THSD7A: variants seen among roughly 807,000 people sequenced by gnomAD.
THSD7A encodes thrombospondin type 1 domain containing 7A.
THSD7A carries 96 observed loss-of-function variants against 231.3 expected under a neutral mutation model. The observed-to-expected ratio is 0.41, with a 90% confidence interval of 0.35 to 0.49. The LOEUF (loss-of-function observed/expected upper bound fraction) is 0.49, where lower values mean the gene tolerates loss of function less well. Among genes scored for constraint, THSD7A ranks in the 20% least tolerant of loss-of-function variants. The pLI, the probability that THSD7A is intolerant of heterozygous loss-of-function variation, is 0.05. For synonymous variants in THSD7A, 940 were observed against 743.3 expected (o/e 1.26, Z -4.30); for missense variants, 2,290 against 2,070.2 (o/e 1.11, Z -2.06).
At chr7:11,793,981 AAATG>A (rs1489879172) in intron 1 of THSD7A, among the ~76,000 whole-genome samples, 1 of 151,920 alleles carries the variant, frequency 6.6e-6, no homozygotes, top group Non-Finnish European at 1.5e-5. Flanking sequence ...ACTAGGGAAA[AAATG>A]AATTTTAGAT....
At chr7:11,443,912 C>G (rs944478457) in intron 13 of THSD7A, among the ~76,000 whole-genome samples, 1 of 151,916 alleles carries the variant, frequency 6.6e-6, no homozygotes, top group Non-Finnish European at 1.5e-5. Context: ...AACAAAAGGA[C>G]AAGAGTTTTA....
chr7:11,496,817 A>G (rs1325487137), intron 6 of THSD7A, among the ~76,000 whole-genome samples: 1 of 152,200 alleles, frequency 6.6e-6, no homozygotes, highest in Non-Finnish European at 1.5e-5. Context: ...ACAAATGAAA[A>G]CATTTAGCCA....
At position 11,417,499 on chromosome 7, in the gene THSD7A, G is replaced by C. The variant is rs1272372059; in HGVS notation, c.3488C>G (p.Pro1163Arg). 1 of 1,613,632 alleles carries C rather than the reference G, an allele frequency of 6.2e-7. No homozygotes were observed. Among genetic ancestry groups the C allele is most frequent in the Admixed American group, 1.7e-5 (1 of 59,970 alleles). ...LGSRVCKLPC[P>R]EDCVISEWGP... ...CCATTCAGATATCACACAGTCCTCA[G>C]GGCATGGTAATTTGCACACTCTAGA... The change falls in exon 17 of 28, where the codon CCT becomes CGT. Residue 1163 changes from proline to arginine, a missense_variant. By Grantham distance (103) the Pro-to-Arg change is moderately radical. Transcript: ENST00000423059.
At chr7:11,677,533 C>G (rs185207766) in intron 1 of THSD7A, among the ~76,000 whole-genome samples, 76 of 121,344 alleles carry the variant, frequency 6.3e-4, no homozygotes, top group African/African-American at 2.2e-3. Flanking sequence ...CAAAGACACA[C>G]ATAGGCTCAA....
At position 11,727,043 on chromosome 7, in the gene THSD7A, T is replaced by C. The variant is rs566320819; in HGVS notation, c.191-90082A>G. Among the ~76,000 whole-genome samples, 7 of 152,090 alleles carry C rather than the reference T, an allele frequency of 4.6e-5. No homozygotes were observed. The East Asian group carries it at 1.4e-3, about 30-fold the overall frequency. ...AGTTCCCAGGCTCACTTCACAGGCA[T>C]CCAAATTACTTTTGCATTTAATCTT... On this transcript the variant is annotated intron_variant, in intron 1 of 27. Coordinates refer to ENST00000423059, the MANE Select transcript of THSD7A (RefSeq NM_015204.3).
At chr7:11,731,588 T>A (rs750418388) in intron 1 of THSD7A, among the ~76,000 whole-genome samples, 2 of 151,654 alleles carry the variant, frequency 1.3e-5, no homozygotes, top group Non-Finnish European at 1.5e-5. Flanking sequence ...TACTGTTTTA[T>A]CCTGCAGTGT....
intron 1 of THSD7A, among the ~76,000 whole-genome samples, chr7:11,796,975 T>C (rs1001151804): frequency 3.9e-5 from 6 of 152,134 alleles, no homozygotes; most frequent in African/African-American, 1.4e-4. Flanking sequence ...GTAATTTTTT[T>C]TCATTTCTGA....
At chr7:11,519,407 C>A (rs1166128634) in intron 6 of THSD7A, among the ~76,000 whole-genome samples, 2 of 152,132 alleles carry the variant, frequency 1.3e-5, no homozygotes, top group African/African-American at 4.8e-5. Flanking sequence ...AATGCACTTA[C>A]ACACACATTT....
chr7:11,600,597 T>C (rs1293992390), intron 2 of THSD7A, among the ~76,000 whole-genome samples: 1 of 152,132 alleles, frequency 6.6e-6, no homozygotes, highest in African/African-American at 2.4e-5. Flanking sequence ...CTTGTGTTGA[T>C]TTGTAGTTTA....
intron 6 of THSD7A, among the ~76,000 whole-genome samples, chr7:11,514,617 A>G (rs1315452710): frequency 6.6e-6 from 1 of 152,166 alleles, no homozygotes; most frequent in Non-Finnish European, 1.5e-5. Context: ...AACATTTTAA[A>G]TAAGTGTTTT....
At chr7:11,496,869 A>C (rs890489284) in intron 6 of THSD7A, among the ~76,000 whole-genome samples, 2 of 152,242 alleles carry the variant, frequency 1.3e-5, no homozygotes, top group Admixed American at 6.5e-5. Flanking sequence ...GAATCTAGGT[A>C]AATAAAGACA....
At chr7:11,595,076 T>C (rs1337740085) in intron 2 of THSD7A, among the ~76,000 whole-genome samples, 1 of 152,204 alleles carries the variant, frequency 6.6e-6, no homozygotes, top group Admixed American at 6.5e-5. Flanking sequence ...TCCACCTTTG[T>C]CTGAGGAGAT....
At position 11,497,441 on chromosome 7, in the gene THSD7A, T is replaced by C. The variant is rs187797987; in HGVS notation, c.1823-15459A>G. On this transcript the variant is annotated intron_variant, in intron 6 of 27. Transcript: ENST00000423059. ...ATGGTATTGATAAAAATGTACCTCATTGCATTTCTTTAGGGGACATTAGGA... is the reference window on the plus strand; with the variant it reads ...ATGGTATTGATAAAAATGTACCTCACTGCATTTCTTTAGGGGACATTAGGA... 2.0e-3 allele frequency among the ~76,000 whole-genome samples: 304 copies of C among 152,302 alleles called. 1 individual carries two copies. The highest frequency in any genetic ancestry group is 3.6e-3 in the Non-Finnish European group (245 of 68,020).
intron 6 of THSD7A, among the ~76,000 whole-genome samples, chr7:11,528,240 A>G (rs1003446437): frequency 4.6e-5 from 7 of 152,144 alleles, no homozygotes; most frequent in African/African-American, 1.4e-4. Flanking sequence ...AAGTAATACC[A>G]ATGAATATCT....
intron 4 of THSD7A, among the ~76,000 whole-genome samples, chr7:11,571,208 G>C (rs1790614304): frequency 6.6e-6 from 1 of 152,174 alleles, no homozygotes; most frequent in African/African-American, 2.4e-5. Flanking sequence ...ATAAGTTTTG[G>C]TTCCACTATA....
chr7:11,507,470 T>C (rs891264110), intron 6 of THSD7A, among the ~76,000 whole-genome samples: 11 of 152,176 alleles, frequency 7.2e-5, no homozygotes, highest in African/African-American at 1.7e-4. Context: ...TTCTGCTTTA[T>C]TCTTCAAGTG....
At chr7:11,540,536 C>T (rs181439826) in intron 6 of THSD7A, among the ~76,000 whole-genome samples, 2 of 152,302 alleles carry the variant, frequency 1.3e-5, no homozygotes, top group African/African-American at 4.8e-5. Context: ...CTGTTGGACC[C>T]TGGGGTTTAG....
In THSD7A at chr7:11,831,616, C is replaced by A; in HGVS notation, c.190+141G>T. 2.1e-6 allele frequency: 1 copy of A among 483,316 alleles called. No individual in the cohort carries two copies. Among genetic ancestry groups the A allele is most frequent in the Non-Finnish European group, 3.2e-6 (1 of 312,258 alleles). The allele number at this position is 483,316 out of a possible 1,614,324, so 29.9% of individuals were successfully genotyped here. A position where few individuals can be genotyped will look rare whatever the true frequency, so the allele number is the denominator to read the frequency against. Reference sequence around the variant, plus strand: ...TGCATCGGACATGACCTATTTGCTTCCTAAGAAATCATACTTTTTACCTTA... The same window carrying A: ...TGCATCGGACATGACCTATTTGCTTACTAAGAAATCATACTTTTTACCTTA... On this transcript the variant is annotated intron_variant, in intron 1 of 27. Coordinates refer to ENST00000423059, the MANE Select transcript of THSD7A (RefSeq NM_015204.3). This position sits in a 1 kb window ranked among gnomAD's most constrained non-coding sequence, Gnocchi z 5.0.
intron 1 of THSD7A, among the ~76,000 whole-genome samples, chr7:11,732,279 T>A (rs1467151517): frequency 6.6e-6 from 1 of 151,810 alleles, no homozygotes; most frequent in African/African-American, 2.4e-5. Flanking sequence ...CATGCATTAC[T>A]TCAAGTATGA....
Sources: gnomAD v4.1 joint callset for allele counts (sites outside exome capture counted in the v4.1 genomes callset) on GRCh38, gnomAD v4.1.1 for gene constraint, Gnocchi (gnomAD v3.1) non-coding constraint, MANE v1.5 for transcripts, NCBI Gene and HGNC (gene_info 2026-07-23, HGNC 2026-07-21) for gene names.